The following TYW1 variants were observed in gnomAD, a reference collection of about 807,000 sequenced individuals.
The protein encoded by TYW1 is tRNA-yW synthesizing protein 1 homolog, also known as S-adenosyl-L-methionine-dependent tRNA 4-demethylwyosine synthase TYW1.
In TYW1, 46 loss-of-function variants were observed where a neutral mutation model predicts 96.2. The observed-to-expected ratio is 0.48, with a 90% CI of 0.38 to 0.61. The LOEUF is 0.61. Among genes scored for constraint, TYW1 ranks in the 20% least tolerant of loss-of-function variants. The probability of loss-of-function intolerance (pLI) is 0.00; values close to 1 mark genes in which losing one functional copy is unlikely to be tolerated. For missense variants in TYW1, 684 were observed against 909.6 expected, an observed-to-expected ratio of 0.75 and a Z score of 3.19; for synonymous variants, 274 against 323.0, an observed-to-expected ratio of 0.85 and a Z score of 1.63.
chr7:67,077,370 A>C (rs774895558), intron 10 of TYW1, among the ~76,000 whole-genome samples: 6 of 152,230 alleles, frequency 3.9e-5, no homozygotes, highest in Non-Finnish European at 8.8e-5. Flanking sequence ...ACAACAGTGT[A>C]TAAGAGTTCC....
intron 7 of TYW1, among the ~76,000 whole-genome samples, chr7:67,025,492 A>C (rs1396650229): frequency 6.6e-6 from 1 of 152,134 alleles, no homozygotes; most frequent in Non-Finnish European, 1.5e-5. Context: ...ATTCAGGGCT[A>C]TTTGAAGATG....
At chr7:67,027,625 G>A (rs1794494416) in intron 7 of TYW1, among the ~76,000 whole-genome samples, 1 of 152,098 alleles carries the variant, frequency 6.6e-6, no homozygotes, top group African/African-American at 2.4e-5. Flanking sequence ...ACTATGCAAT[G>A]AACTCTTTCA....
intron 10 of TYW1, among the ~76,000 whole-genome samples, chr7:67,078,262 A>G (rs1796266298): frequency 6.8e-6 from 1 of 147,416 alleles, no homozygotes; most frequent in African/African-American, 2.4e-5. Flanking sequence ...CTCCTGGCTA[A>G]TTTTTTGTAT....
chr7:67,025,062 G>C (rs1254333631), intron 7 of TYW1, 40 bp downstream of exon 7: 3 of 1,611,652 alleles, frequency 1.9e-6, no homozygotes, highest in Non-Finnish European at 2.5e-6. Flanking sequence ...GGCTCCCGCA[G>C]TTGGTTAACA....
At chr7:67,175,967 C>T (rs887330594) in intron 13 of TYW1, among the ~76,000 whole-genome samples, 5 of 152,068 alleles carry the variant, frequency 3.3e-5, no homozygotes, top group African/African-American at 1.2e-4. Flanking sequence ...AGGAAGATGT[C>T]ATTTTTAGTA....
At chr7:67,044,111 GTTTTTTTTTT>G (rs201692947) in intron 7 of TYW1, among the ~76,000 whole-genome samples, 5,301 of 124,616 alleles carry the variant, frequency 0.043, 298 homozygotes, top group East Asian at 0.18. Context: ...ATGAATAAGA[GTTTTTTTTTT>G]TTTTTTTTTG....
chr7:67,209,165 G>A (rs778714885), intron 15 of TYW1, among the ~76,000 whole-genome samples: 4 of 152,144 alleles, frequency 2.6e-5, no homozygotes, highest in Non-Finnish European at 5.9e-5. Flanking sequence ...TTTGAGCAGC[G>A]GAAAGACAAA....
At chr7:67,208,197 T>G (rs1023955014) in intron 15 of TYW1, among the ~76,000 whole-genome samples, 1 of 151,742 alleles carries the variant, frequency 6.6e-6, no homozygotes, top group Non-Finnish European at 1.5e-5. Context: ...CGTGTGCCCA[T>G]GTAGTCCCAA....
chr7:67,089,551 G>A lies in TYW1; in HGVS notation c.1384+6012G>A, dbSNP rs565806871. On this transcript the variant is annotated intron_variant, in intron 11 of 15. Coordinates refer to ENST00000359626, the MANE Select transcript of TYW1 (RefSeq NM_018264.4). ...GAGTTCCCACCCCATGACAAAGAAC[G>A]CCTGCCGTCTGTCCTGGGTCTGGTT... 200 of 638,204 alleles carry A rather than the reference G, an allele frequency of 3.1e-4. 1 individual carries two copies. Among genetic ancestry groups the A allele is most frequent in the African/African-American group, 3.0e-3 (164 of 54,616 alleles). 39.5% of individuals were successfully genotyped at this position (638,204 alleles called of 1,614,324 possible). A position where few individuals can be genotyped will look rare whatever the true frequency, so the allele number is the denominator to read the frequency against.
intron 7 of TYW1, among the ~76,000 whole-genome samples, chr7:67,048,880 T>A (rs1442117387): frequency 2.6e-5 from 4 of 152,106 alleles, no homozygotes; most frequent in Admixed American, 2.6e-4. Context: ...TACAAAAAAA[T>A]TAGCATGCCT....
chr7:67,006,130 G>A (rs967850860), intron 3 of TYW1, among the ~76,000 whole-genome samples: 2 of 152,066 alleles, frequency 1.3e-5, no homozygotes, highest in African/African-American at 2.4e-5. Context: ...GGGGCTTGGC[G>A]GGAGGTGCTT....
intron 11 of TYW1, among the ~76,000 whole-genome samples, chr7:67,085,285 A>G (rs143999968): frequency 7.0e-4 from 106 of 152,212 alleles, no homozygotes; most frequent in African/African-American, 2.5e-3. Flanking sequence ...CATAATCCCT[A>G]TGCGTTGAGA....
chr7:67,152,727 G>T (rs570119458), intron 13 of TYW1, among the ~76,000 whole-genome samples: 4 of 151,894 alleles, frequency 2.6e-5, no homozygotes, highest in African/African-American at 4.8e-5. Context: ...TCAGCCTCCC[G>T]AGTAGCTGGG....
intron 13 of TYW1, among the ~76,000 whole-genome samples, chr7:67,170,779 C>T (rs1584649682): frequency 3.3e-5 from 5 of 152,196 alleles, no homozygotes. Flanking sequence ...GCTTTCATTC[C>T]TGGAATAAAT....
At chr7:67,066,819 G>T (rs552893182) in intron 9 of TYW1, among the ~76,000 whole-genome samples, 1 of 152,328 alleles carries the variant, frequency 6.6e-6, no homozygotes, top group East Asian at 1.9e-4. Flanking sequence ...CTGCACTCCA[G>T]CCTAAGGAAC....
intron 13 of TYW1, among the ~76,000 whole-genome samples, chr7:67,151,839 C>A (rs1261020452): frequency 6.6e-6 from 1 of 151,906 alleles, no homozygotes; most frequent in Non-Finnish European, 1.5e-5. Flanking sequence ...TAGGGACTTG[C>A]TCTTTTGACC....
At chr7:67,220,702 A>C (rs1801360553) in intron 15 of TYW1, among the ~76,000 whole-genome samples, 1 of 150,522 alleles carries the variant, frequency 6.6e-6, no homozygotes, top group Non-Finnish European at 1.5e-5. Context: ...AAGTTGGCTT[A>C]TCGTGCCCTT....
At chr7:67,052,789 T>TG (rs1795396273) in intron 8 of TYW1, among the ~76,000 whole-genome samples, 2 of 152,180 alleles carry the variant, frequency 1.3e-5, no homozygotes, top group African/African-American at 4.8e-5. Context: ...CGGAGTGCAG[T>TG]GGCGTGATCT....
At chr7:67,107,875 T>C (rs1266977691) in intron 12 of TYW1, among the ~76,000 whole-genome samples, 20 of 75,750 alleles carry the variant, frequency 2.6e-4, no homozygotes, top group African/African-American at 9.7e-4. Context: ...CAAGATGGAC[T>C]TTTTTTTTTT....
Sources: allele counts gnomAD v4.1 joint callset (sites outside exome capture counted in the v4.1 genomes callset), GRCh38; gene constraint gnomAD v4.1.1; transcripts MANE v1.5; gene names NCBI Gene and HGNC (gene_info 2026-07-23, HGNC 2026-07-21).